The following ABCA12 variants were observed in gnomAD, a reference collection of about 807,000 sequenced individuals.
ABCA12 encodes the protein glucosylceramide transporter ABCA12.
ABCA12 carries 156 observed loss-of-function variants against 293.5 expected under a neutral mutation model. That is an observed-to-expected ratio of 0.53 (90% confidence interval 0.47 to 0.61). The LOEUF (loss-of-function observed/expected upper bound fraction) is 0.61, where lower values mean the gene tolerates loss of function less well. Among genes scored for constraint, ABCA12 ranks in the 20% least tolerant of loss-of-function variants. ABCA12 has a pLI of 0.00. For synonymous variants in ABCA12, 1,063 were observed against 1,108.0 expected, an observed-to-expected ratio of 0.96 and a Z score of 0.81; for missense variants, 2,797 against 3,090.2, an observed-to-expected ratio of 0.91 and a Z score of 2.25.
At chr2:214,979,722 A>T (rs1346489039) in intron 31 of ABCA12, among the ~76,000 whole-genome samples, 1 of 152,170 alleles carries the variant, frequency 6.6e-6, no homozygotes, top group Non-Finnish European at 1.5e-5. Flanking sequence ...CAGTGCTTGG[A>T]TATCATAAGG....
intron 7 of ABCA12, among the ~76,000 whole-genome samples, chr2:215,041,006 C>A (rs1437501976): frequency 2.0e-5 from 3 of 152,018 alleles, no homozygotes; most frequent in Admixed American, 6.6e-5. Flanking sequence ...GCCCTAAGGC[C>A]TGTTTATGTA....
intron 18 of ABCA12, among the ~76,000 whole-genome samples, chr2:215,008,793 G>GA (rs375998598): frequency 4.0e-5 from 6 of 150,402 alleles, no homozygotes; most frequent in East Asian, 1.9e-4. Flanking sequence ...ACAAAAAGGG[G>GA]AAAAAAAAAG....
intron 7 of ABCA12, among the ~76,000 whole-genome samples, chr2:215,038,284 A>G (rs1701030342): frequency 6.6e-6 from 1 of 152,128 alleles, no homozygotes; most frequent in Admixed American, 6.5e-5. Flanking sequence ...AGTTTTGCAG[A>G]TGGGAAAACT....
At position 214,987,516 on chromosome 2, in the gene ABCA12, G is replaced by C; in HGVS notation, c.3976+131C>G. The C allele has an allele frequency of 2.5e-6, 3 of 1,208,350 alleles. No individual in the cohort carries two copies. In the South Asian group the frequency reaches 4.8e-5, roughly 19 times the overall value. The allele number at this position is 1,208,350 out of a possible 1,614,324, so 74.9% of individuals were successfully genotyped here. On this transcript the variant is annotated intron_variant, in intron 27 of 52. Coordinates refer to ENST00000272895, the MANE Select transcript of ABCA12 (RefSeq NM_173076.3). ...CCCATAAGAGTCCAAAGACGCATGT[G>C]TAGACATTTTCATCCATGACTAAAA...
chr2:214,978,558 A>G (rs1358541983), intron 32 of ABCA12, 92 bp from the exon 33 acceptor site: 1 of 1,468,478 alleles, frequency 6.8e-7, no homozygotes, highest in Non-Finnish European at 9.3e-7. Context: ...CTTTTATCAC[A>G]TTTACTGAGA....
At chr2:214,964,582 C>G (rs1699207803) in intron 39 of ABCA12, among the ~76,000 whole-genome samples, 1 of 151,892 alleles carries the variant, frequency 6.6e-6, no homozygotes, top group South Asian at 2.1e-4. Flanking sequence ...TATACACCAA[C>G]AGCAGGCAAG....
chr2:215,064,250 T>G, intron 2 of ABCA12, 31 bp from the exon 3 acceptor site: 1 of 1,605,430 alleles, frequency 6.2e-7, no homozygotes, highest in Non-Finnish European at 8.5e-7. Context: ...ATTACATCAG[T>G]ATGGCACATT....
chr2:214,974,130 T>C, intron 35 of ABCA12, 88 bp from the exon 36 acceptor site: 1 of 1,164,146 alleles, frequency 8.6e-7, no homozygotes, highest in Non-Finnish European at 1.3e-6. Context: ...TATTTGGTAT[T>C]AAGTTCATGT....
intron 7 of ABCA12, among the ~76,000 whole-genome samples, chr2:215,045,301 A>G (rs1156745662): frequency 6.6e-6 from 1 of 152,214 alleles, no homozygotes. Flanking sequence ...TAAAATCTTT[A>G]TAACATATAT....
At chr2:214,993,718 G>T (rs537015902) in intron 23 of ABCA12, among the ~76,000 whole-genome samples, 1 of 152,302 alleles carries the variant, frequency 6.6e-6, no homozygotes, top group African/African-American at 2.4e-5. Context: ...TCCCAAGGTG[G>T]TTTATAAAAT....
intron 1 of ABCA12, among the ~76,000 whole-genome samples, chr2:215,131,088 T>C (rs983747428): frequency 4.0e-5 from 6 of 151,730 alleles, no homozygotes; most frequent in Admixed American, 2.6e-4. Context: ...GCTTCCCTGA[T>C]CATGGTGAAT....
At chr2:215,006,036 T>TTTAG (rs1559142119) in intron 19 of ABCA12, among the ~76,000 whole-genome samples, 1 of 152,210 alleles carries the variant, frequency 6.6e-6, no homozygotes, top group Non-Finnish European at 1.5e-5. Flanking sequence ...ATTTACAATA[T>TTTAG]TATTTCCTCA....
intron 11 of ABCA12, among the ~76,000 whole-genome samples, chr2:215,021,433 A>G (rs1344887799): frequency 6.6e-6 from 1 of 152,222 alleles, no homozygotes; most frequent in Admixed American, 6.5e-5. Flanking sequence ...CTATCCTGTC[A>G]ATGATATTCC....
rs1345980003 is a variant in ABCA12, at chr2:215,070,801, T to C, written c.164-6582A>G. 2.6e-5 allele frequency among the ~76,000 whole-genome samples: 4 copies of C among 152,088 alleles called. No individual in the cohort carries two copies. The East Asian group carries it at 5.8e-4, about 22-fold the overall frequency. ...ACAGTTTTATTAAGTAAAATGCATA[T>C]AGAAATCATTTGTTTTCCTGAACTG... is the stretch of plus-strand genomic sequence containing the variant. On this transcript the variant is annotated intron_variant, in intron 2 of 52. Coordinates refer to ENST00000272895, the MANE Select transcript of ABCA12 (RefSeq NM_173076.3).
chr2:214,956,914 C>A, intron 41 of ABCA12, 136 bp from the exon 42 acceptor site: 1 of 655,264 alleles, frequency 1.5e-6, no homozygotes, highest in Non-Finnish European at 2.8e-6. Flanking sequence ...TATTTATGTT[C>A]CCATTGCTTC....
chr2:215,012,093 T>G lies in ABCA12; in HGVS notation c.1999A>C (p.Met667Leu). 1.2e-6 allele frequency: 2 copies of G among 1,613,998 alleles called. No homozygotes were observed. The highest frequency in any genetic ancestry group is 1.7e-6 in the Non-Finnish European group (2 of 1,179,894). The change falls in exon 16 of 53, where the codon ATG (methionine) becomes CTG (leucine). Residue 667 changes from methionine (M) to leucine (L), a missense_variant. Coordinates refer to ENST00000272895, the MANE Select transcript of ABCA12 (RefSeq NM_173076.3). The stretch of plus-strand genomic sequence containing the variant: ...TCTTTTAGTCTTATGAAGAGCTCCA[T>G]CATCTTTTCTACTGGCTTTTGATCT... ...RKDQKPVEKM[M>L]ELFIRLKEIL...
chr2:215,106,732 G>A (rs930886555), intron 2 of ABCA12, among the ~76,000 whole-genome samples: 6 of 149,394 alleles, frequency 4.0e-5, no homozygotes, highest in African/African-American at 1.5e-4. Flanking sequence ...TGAAGATAAA[G>A]GGTATGCTTT....
Position 215,052,482 on chromosome 2 carries a change from G to C in ABCA12, c.507+5C>G, listed in dbSNP as rs375661068. On this transcript the variant is annotated splice_donor_5th_base_variant and intron_variant, in intron 5 of 52. Transcript: ENST00000272895. ...TCTACCCATTACAAAATTGAATCAA[G>C]TTACCTTTTCCAAGCCAAGAATTCG... The C allele has an allele frequency of 6.2e-7, 1 of 1,610,964 alleles. No individual in the cohort carries two copies. Among genetic ancestry groups the C allele is most frequent in the Non-Finnish European group, 8.5e-7 (1 of 1,177,794 alleles).
intron 44 of ABCA12, among the ~76,000 whole-genome samples, chr2:214,953,017 A>C (rs1161250228): frequency 2.2e-4 from 33 of 152,318 alleles, no homozygotes; most frequent in Non-Finnish European, 4.4e-5. Context: ...AACTGTATAT[A>C]TCTCTCATCA....
Sources: allele counts gnomAD v4.1 joint callset (sites outside exome capture counted in the v4.1 genomes callset), GRCh38; gene constraint gnomAD v4.1.1; transcripts MANE v1.5; gene names NCBI Gene and HGNC (gene_info 2026-07-23, HGNC 2026-07-21).